ZHX3: variants seen among roughly 807,000 people sequenced by gnomAD.
ZHX3 encodes the protein zinc fingers and homeoboxes protein 3.
ZHX3 carries 20 observed loss-of-function variants against 64.5 expected under a neutral mutation model. That is an observed-to-expected ratio of 0.31 (90% CI 0.22 to 0.45). ZHX3 has a LOEUF of 0.45. Ranked by LOEUF, ZHX3 falls within the 20% of genes least tolerant of loss-of-function variation. The pLI, the probability that ZHX3 is intolerant of heterozygous loss-of-function variation, is 1.00. For synonymous variants in ZHX3, 423 were observed against 461.6 expected, an observed-to-expected ratio of 0.92 and a Z score of 1.07; for missense variants, 1,041 against 1,195.8, an observed-to-expected ratio of 0.87 and a Z score of 1.91.
intron 1 of ZHX3, among the ~76,000 whole-genome samples, chr20:41,295,453 A>G (rs1263697917): frequency 6.6e-6 from 1 of 152,228 alleles, no homozygotes; most frequent in African/African-American, 2.4e-5. Context: ...TTATGCATGC[A>G]TGTGATCAAA....
intron 1 of ZHX3, among the ~76,000 whole-genome samples, chr20:41,276,278 C>G (rs1016034427): frequency 9.2e-5 from 14 of 151,774 alleles, no homozygotes; most frequent in Admixed American, 9.2e-4. Context: ...TTAAATGTAG[C>G]TCATGTTGGA....
At chr20:41,210,736 T>A (rs534497107) in intron 2 of ZHX3, among the ~76,000 whole-genome samples, 1 of 152,310 alleles carries the variant, frequency 6.6e-6, no homozygotes, top group South Asian at 2.1e-4. Context: ...ATATACCTAA[T>A]GTAAATGACA....
chr20:41,276,514 G>A (rs940118719), intron 1 of ZHX3, among the ~76,000 whole-genome samples: 6 of 152,076 alleles, frequency 3.9e-5, no homozygotes, highest in African/African-American at 1.4e-4. Flanking sequence ...TAGCTCTCTG[G>A]GTCTCTAATT....
chr20:41,203,056 G>C lies in ZHX3; in HGVS notation c.1861C>G (p.Pro621Ala). 6.2e-7 allele frequency: 1 copy of C among 1,614,132 alleles called. No homozygotes were observed. Among genetic ancestry groups the C allele is most frequent in the Non-Finnish European group, 8.5e-7 (1 of 1,180,026 alleles). Residue 621 changes from proline (P) to alanine (A), a missense_variant, in exon 3 of 4, where the codon CCT becomes GCT. Pro to Ala is a conservative substitution (Grantham distance 27, BLOSUM62 -1). Transcript: ENST00000683867. The surrounding 1 kb of genome is among the most constrained non-coding windows in gnomAD (Gnocchi z 7.1). ...FTPTKYKERA[P>A]EQLRALESSF... Reference sequence around the variant, plus strand: ...CTCTCCAGGGCTCTGAGCTGCTCAGGGGCTCTCTCCTTGTATTTGGTTGGT... The same window carrying C: ...CTCTCCAGGGCTCTGAGCTGCTCAGCGGCTCTCTCCTTGTATTTGGTTGGT...
Position 41,228,811 on chromosome 20 carries a change from CTCTCTTT to C in ZHX3, c.-150-23752_-150-23746del, listed in dbSNP as rs1473823574. ...TTTTCCTAGTTTCCTTTATTCACAT[CTCTCTTT>C]TCTCTTTTCCCACATGAAATGTTAA... On this transcript the variant is annotated intron_variant, in intron 2 of 3. Transcript: ENST00000683867. The surrounding 1 kb of genome is among the most constrained non-coding windows in gnomAD (Gnocchi z 4.6). Among the ~76,000 whole-genome samples the C allele has an allele frequency of 5.3e-5, 8 of 152,290 alleles. No homozygotes were observed. The East Asian group carries it at 1.5e-3, about 29-fold the overall frequency.
Position 41,180,083 on chromosome 20 carries a change from G to A in ZHX3, c.*5108C>T, listed in dbSNP as rs1247535471. 6.5e-6 allele frequency: 1 copy of A among 152,736 alleles called. No individual in the cohort carries two copies. The highest frequency in any genetic ancestry group is 2.1e-4 in the South Asian group (1 of 4,834). 9.5% of individuals were successfully genotyped at this position (152,736 alleles called of 1,614,324 possible). On this transcript the variant is annotated 3_prime_UTR_variant, in exon 4 of 4. Transcript: ENST00000683867. ...GTTTCAAGCCAGTCTCCTGAAGGAA[G>A]AGGCACTAATGGCAGGTAAATGCTC...
intron 2 of ZHX3, among the ~76,000 whole-genome samples, chr20:41,239,029 G>A (rs375303296): frequency 7.6e-6 from 1 of 130,912 alleles, no homozygotes; most frequent in South Asian, 2.5e-4. Context: ...GGGAGACGGA[G>A]TCTTGCTCTG....
chr20:41,279,428 C>G (rs1376291188), intron 1 of ZHX3, among the ~76,000 whole-genome samples: 2 of 151,720 alleles, frequency 1.3e-5, no homozygotes, highest in Non-Finnish European at 2.9e-5. Flanking sequence ...TTTTTTTTAA[C>G]TAACAGAATG....
At chr20:41,282,982 C>T (rs2043766722) in intron 1 of ZHX3, among the ~76,000 whole-genome samples, 1 of 152,092 alleles carries the variant, frequency 6.6e-6, no homozygotes, top group Non-Finnish European at 1.5e-5. Context: ...GATCTTGGCT[C>T]ACTGCAACCT....
chr20:41,218,299 C>T (rs2146317113), intron 2 of ZHX3, among the ~76,000 whole-genome samples: 2 of 152,194 alleles, frequency 1.3e-5, no homozygotes, highest in Non-Finnish European at 2.9e-5. Context: ...TAAAAAATAG[C>T]TGGCATGGTG....
intron 2 of ZHX3, among the ~76,000 whole-genome samples, chr20:41,208,675 A>G (rs1283742215): frequency 6.6e-6 from 1 of 152,212 alleles, no homozygotes; most frequent in East Asian, 1.9e-4. Flanking sequence ...TAAATTAGGT[A>G]TTGATGGGAC....
At chr20:41,239,252 G>A (rs1232224131) in intron 2 of ZHX3, among the ~76,000 whole-genome samples, 3 of 151,342 alleles carry the variant, frequency 2.0e-5, no homozygotes, top group Non-Finnish European at 2.9e-5. Flanking sequence ...CTCGTGATCC[G>A]CCCGCCTCGG....
chr20:41,298,397 T>A (rs990008900), intron 1 of ZHX3, among the ~76,000 whole-genome samples: 104 of 152,346 alleles, frequency 6.8e-4, no homozygotes, highest in African/African-American at 2.2e-3. Context: ...GCTCAATAAA[T>A]GCTTGCTTTT....
chr20:41,262,797 C>T (rs1189545800), intron 2 of ZHX3, among the ~76,000 whole-genome samples: 1 of 151,870 alleles, frequency 6.6e-6, no homozygotes, highest in Non-Finnish European at 1.5e-5. Flanking sequence ...AATTAAGACA[C>T]TTCACAGAAC....
intron 2 of ZHX3, among the ~76,000 whole-genome samples, chr20:41,262,183 C>G (rs1253143666): frequency 6.6e-6 from 1 of 152,230 alleles, no homozygotes; most frequent in East Asian, 1.9e-4. Flanking sequence ...ACAACTGCCA[C>G]AGCTGCTTAA....
Position 41,261,927 on chromosome 20 carries a change from C to A in ZHX3, c.-151+7063G>T, listed in dbSNP as rs77385141. On this transcript the variant is annotated intron_variant, in intron 2 of 3. Coordinates refer to ENST00000683867, the MANE Select transcript of ZHX3 (RefSeq NM_001384317.1). ...AAATAAACTTTCCCCTGCTTCTCTG[C>A]AAATTAGTCTCTGCACCCAATCCAC... Among the ~76,000 whole-genome samples, 44 of 152,206 alleles carry A rather than the reference C, an allele frequency of 2.9e-4. No homozygotes were observed. In the East Asian group the frequency reaches 6.6e-3, roughly 23 times the overall value.
At chr20:41,312,676 G>A (rs984631685) in intron 1 of ZHX3, among the ~76,000 whole-genome samples, 5 of 152,188 alleles carry the variant, frequency 3.3e-5, no homozygotes, top group African/African-American at 1.2e-4. Flanking sequence ...GAGACTGGAC[G>A]TTTAAGGATC....
In ZHX3 at chr20:41,222,919, A is replaced by G. The variant is rs189531718; in HGVS notation, c.-150-17853T>C. 1.8e-3 allele frequency among the ~76,000 whole-genome samples: 269 copies of G among 151,536 alleles called. 2 individuals are homozygous for G. The highest frequency in any genetic ancestry group is 5.9e-3 in the African/African-American group (245 of 41,370). ...AAGAACATTTGTTAAAAAAAAAAAA[A>G]AAAGAAAGAAAGAAAGAAAAATTCT... is the stretch of plus-strand genomic sequence containing the variant. On this transcript the variant is annotated intron_variant, in intron 2 of 3. Transcript: ENST00000683867.
intron 2 of ZHX3, among the ~76,000 whole-genome samples, chr20:41,220,007 G>A (rs1263352501): frequency 6.6e-6 from 1 of 152,192 alleles, no homozygotes; most frequent in African/African-American, 2.4e-5. Flanking sequence ...GAGGTTTTTG[G>A]AGTAGCTTGT....
Sources: allele counts gnomAD v4.1 joint callset (sites outside exome capture counted in the v4.1 genomes callset), GRCh38; gene constraint gnomAD v4.1.1; non-coding constraint Gnocchi (gnomAD v3.1); transcripts MANE v1.5; gene names NCBI Gene and HGNC (gene_info 2026-07-23, HGNC 2026-07-21).